TESK2: variants seen among roughly 807,000 people sequenced by gnomAD.
TESK2 encodes dual specificity testis-specific protein kinase 2.
A neutral mutation model predicts 57.1 loss-of-function variants in TESK2; 39 were observed. That is an observed-to-expected ratio of 0.68 (90% CI 0.53 to 0.89). TESK2 has a LOEUF of 0.89. Ranked by LOEUF, TESK2 falls within the 40% of genes least tolerant of loss-of-function variation. TESK2 has a pLI of 0.00. For missense variants in TESK2, 646 were observed against 732.1 expected, an observed-to-expected ratio of 0.88 and a Z score of 1.36; for synonymous variants, 249 against 267.9, an observed-to-expected ratio of 0.93 and a Z score of 0.69.
intron 1 of TESK2, among the ~76,000 whole-genome samples, chr1:45,488,106 G>A (rs1653555357): frequency 6.6e-6 from 1 of 151,956 alleles, no homozygotes; most frequent in Non-Finnish European, 1.5e-5. Flanking sequence ...TAGAGACGAG[G>A]TCTCACAATG....
At chr1:45,433,347 G>C (rs1398096098) in intron 2 of TESK2, among the ~76,000 whole-genome samples, 1 of 151,924 alleles carries the variant, frequency 6.6e-6, no homozygotes, top group Admixed American at 6.6e-5. Context: ...CCAAAGTGCT[G>C]AGATTACAGG....
intron 4 of TESK2, among the ~76,000 whole-genome samples, chr1:45,357,700 G>A (rs1157314473): frequency 6.6e-6 from 1 of 151,570 alleles, no homozygotes; most frequent in Non-Finnish European, 1.5e-5. Context: ...TACAAAAATT[G>A]GCCAGGCACG....
intron 5 of TESK2, among the ~76,000 whole-genome samples, chr1:45,350,024 CCCAGCTACT>C (rs1282424670): frequency 1.3e-5 from 2 of 152,154 alleles, no homozygotes; most frequent in Non-Finnish European, 2.9e-5. Context: ...CACCTGTAAT[CCCAGCTACT>C]CAGGAGGCTG....
chr1:45,352,855 T>C (rs982321328), intron 5 of TESK2, among the ~76,000 whole-genome samples: 2 of 152,164 alleles, frequency 1.3e-5, no homozygotes, highest in African/African-American at 2.4e-5. Flanking sequence ...TCTGAGTTGA[T>C]TCAGTCCCAT....
intron 2 of TESK2, among the ~76,000 whole-genome samples, chr1:45,447,183 C>T (rs889899561): frequency 1.3e-5 from 2 of 152,192 alleles, no homozygotes; most frequent in African/African-American, 4.8e-5. Context: ...TGCCACTGCA[C>T]TCCAGACTAG....
At chr1:45,444,544 C>T (rs1026090651) in intron 2 of TESK2, among the ~76,000 whole-genome samples, 1 of 152,160 alleles carries the variant, frequency 6.6e-6, no homozygotes, top group African/African-American at 2.4e-5. Flanking sequence ...TTGAACCACA[C>T]ACACTGTACA....
At chr1:45,408,815 C>G (rs553279982) in intron 3 of TESK2, among the ~76,000 whole-genome samples, 268 of 152,154 alleles carry the variant, frequency 1.8e-3, no homozygotes, top group African/African-American at 6.3e-3. Flanking sequence ...GCAGACTATC[C>G]CCCCATCTCC....
At chr1:45,450,659 A>C (rs1320278744) in intron 2 of TESK2, among the ~76,000 whole-genome samples, 2 of 152,244 alleles carry the variant, frequency 1.3e-5, no homozygotes, top group East Asian at 3.8e-4. Flanking sequence ...TCATAAAAGC[A>C]TGAGGAAAAC....
chr1:45,378,402 T>A (rs982156127), intron 4 of TESK2, among the ~76,000 whole-genome samples: 3 of 152,172 alleles, frequency 2.0e-5, no homozygotes, highest in Non-Finnish European at 4.4e-5. Context: ...CATAAAAGGC[T>A]TGCAGCTTCC....
At chr1:45,387,506 C>T (rs1181582616) in intron 3 of TESK2, among the ~76,000 whole-genome samples, 1 of 151,938 alleles carries the variant, frequency 6.6e-6, no homozygotes, top group Non-Finnish European at 1.5e-5. Context: ...AGACTGACTA[C>T]AAGCAGAGTG....
In TESK2 at chr1:45,431,571, C is replaced by T. The variant is rs537393114; in HGVS notation, c.223-9725G>A. On this transcript the variant is annotated intron_variant, in intron 2 of 10. Coordinates refer to ENST00000372086, the MANE Select transcript of TESK2 (RefSeq NM_007170.3). ...ATAAAGAGTAGTTATTAGGGATGCT[C>T]AACCAGTAAGTATAATGCAAATATT... Among the ~76,000 whole-genome samples, 7 of 152,242 alleles carry T rather than the reference C, an allele frequency of 4.6e-5. No individual in the cohort carries two copies. The South Asian group carries it at 1.5e-3, about 32-fold the overall frequency.
At chr1:45,476,573 C>T (rs906966106) in intron 1 of TESK2, among the ~76,000 whole-genome samples, 6 of 151,954 alleles carry the variant, frequency 3.9e-5, no homozygotes, top group South Asian at 2.1e-4. Context: ...GCTAGCCAGG[C>T]GCGGTGGCTC....
chr1:45,469,435 G>T (rs1300716590), intron 1 of TESK2, among the ~76,000 whole-genome samples: 1 of 152,068 alleles, frequency 6.6e-6, no homozygotes, highest in African/African-American at 2.4e-5. Context: ...CTAATTTAAA[G>T]AAAAAGAAAT....
At chr1:45,399,798 A>C (rs1649523980) in intron 3 of TESK2, among the ~76,000 whole-genome samples, 1 of 152,200 alleles carries the variant, frequency 6.6e-6, no homozygotes, top group Non-Finnish European at 1.5e-5. Context: ...CCTAGGACCT[A>C]CTATTAGCCA....
Position 45,399,948 on chromosome 1 carries a change from G to A in TESK2, c.345-13988C>T, listed in dbSNP as rs1326017718. ...TGGGTTAATAGTAGCACATGGGGAT[G>A]TGCTCAAAAATGCTTTCCTAATGGG... On this transcript the variant is annotated intron_variant, in intron 3 of 10. Transcript: ENST00000372086. 3.3e-5 allele frequency among the ~76,000 whole-genome samples: 5 copies of A among 152,286 alleles called. No homozygotes were observed. In the South Asian group the frequency reaches 1.0e-3, roughly 32 times the overall value.
Position 45,460,692 on chromosome 1 carries a change from T to C in TESK2, c.-86-2821A>G, listed in dbSNP as rs754176317. Among the ~76,000 whole-genome samples the C allele has an allele frequency of 1.3e-3, 202 of 152,176 alleles. 1 individual carries two copies. The highest frequency in any genetic ancestry group is 3.4e-3 in the Middle Eastern group (1 of 294). On this transcript the variant is annotated intron_variant, in intron 1 of 10. Coordinates refer to ENST00000372086, the MANE Select transcript of TESK2 (RefSeq NM_007170.3). Reference sequence around the variant, plus strand: ...CCTCAGCTACCTGTGTAGCTGGGACTACAAGCATGTGCCATCATGCCTGCC... The same window carrying C: ...CCTCAGCTACCTGTGTAGCTGGGACCACAAGCATGTGCCATCATGCCTGCC...
At chr1:45,356,434 T>C (rs1647426697) in intron 4 of TESK2, among the ~76,000 whole-genome samples, 1 of 151,944 alleles carries the variant, frequency 6.6e-6, no homozygotes. Context: ...CAGACCGGCC[T>C]GAACAGCATA....
intron 4 of TESK2, among the ~76,000 whole-genome samples, chr1:45,374,262 A>C (rs1378706587): frequency 2.6e-5 from 4 of 152,226 alleles, no homozygotes; most frequent in Admixed American, 1.3e-4. Context: ...TTTACCCAAC[A>C]AATATTTATT....
chr1:45,488,434 G>T (rs1489974210), intron 1 of TESK2, among the ~76,000 whole-genome samples: 1 of 152,030 alleles, frequency 6.6e-6, no homozygotes, highest in East Asian at 1.9e-4. Context: ...TATCCTTTTG[G>T]TGTCAAAGGG....
Sources: allele counts gnomAD v4.1 joint callset (sites outside exome capture counted in the v4.1 genomes callset), GRCh38; gene constraint gnomAD v4.1.1; transcripts MANE v1.5; gene names NCBI Gene and HGNC (gene_info 2026-07-23, HGNC 2026-07-21).